The following PECR variants were observed in gnomAD, a reference collection of about 807,000 sequenced individuals.
The protein encoded by PECR is 2,4-dienoyl-CoA reductase-related protein.
Under a neutral mutation model 35.3 loss-of-function variants are expected in PECR, and 30 were observed. That is an observed-to-expected ratio of 0.85 (90% CI 0.64 to 1.15). The LOEUF is 1.15. Ranked by LOEUF, PECR falls within the 50% of genes most tolerant of loss-of-function variation. The pLI is 0.00. For missense variants in PECR, 392 were observed against 370.8 expected (o/e 1.06, Z -0.47); for synonymous variants, 148 against 138.9 (o/e 1.07, Z -0.46).
rs1429148 is a variant in PECR at position 216,058,956 on chromosome 2, C to T, written c.445G>A (p.Glu149Lys). 136,635 of 1,606,824 alleles carry T rather than the reference C, an allele frequency of 0.085. 9,161 individuals carry two copies. Among genetic ancestry groups the T allele is most frequent in the East Asian group, 0.26 (11,516 of 44,774 alleles). ...ATATTGACGATAGATCCTCCATGCT[C>T]TTTCATCCAGGAGCTGTAAACTGCA... ...CKAVYSSWMK[E>K]HGGSIVNIIV... The change falls in exon 4 of 8, where the codon GAG becomes AAG. Residue 149 changes from glutamate (E) to lysine (K), a missense_variant. Glu to Lys is a moderately conservative substitution (Grantham distance 56). Coordinates refer to ENST00000265322, the MANE Select transcript of PECR (RefSeq NM_018441.6).
At chr2:216,071,276 C>A (rs1218362845) in intron 1 of PECR, among the ~76,000 whole-genome samples, 2 of 152,228 alleles carry the variant, frequency 1.3e-5, no homozygotes, top group Non-Finnish European at 2.9e-5. Context: ...GGCCAGGAGG[C>A]ATGCCGTTGC....
Position 216,081,501 on chromosome 2 carries a change from CG to C in PECR, c.124+116del. ...GTCGTAATTTCGCCCACACCTGCCCCGTCTTTGCTCTGCAGCTCCACACTCC... is the reference window on the plus strand; with the variant it reads ...GTCGTAATTTCGCCCACACCTGCCCCTCTTTGCTCTGCAGCTCCACACTCC... On this transcript the variant is annotated intron_variant, in intron 1 of 7. Transcript: ENST00000265322. 4.6e-6 allele frequency: 6 copies of C among 1,298,954 alleles called. No individual in the cohort carries two copies. The South Asian group carries it at 4.8e-5, about 10-fold the overall frequency. 80.5% of individuals were successfully genotyped at this position (1,298,954 alleles called of 1,614,324 possible).
intron 1 of PECR, 120 bp downstream of exon 1, chr2:216,081,498 C>T (rs1352332706): frequency 3.2e-6 from 4 of 1,266,928 alleles, no homozygotes; most frequent in Non-Finnish European, 4.6e-6. Context: ...CCCACACCTG[C>T]CCCGTCTTTG....
chr2:216,074,494 AAGG>A (rs1435202131), intron 1 of PECR, among the ~76,000 whole-genome samples: 5 of 8,274 alleles, frequency 6.0e-4, no homozygotes, highest in African/African-American at 1.3e-3. Context: ...GAAAGAAAAA[AAGG>A]AAGGAAGGAA....
At chr2:216,062,583 G>C (rs1238591194) in intron 3 of PECR, among the ~76,000 whole-genome samples, 1 of 152,132 alleles carries the variant, frequency 6.6e-6, no homozygotes, top group Non-Finnish European at 1.5e-5. Flanking sequence ...AACAGACTGG[G>C]TCGGGACTTT....
At chr2:216,058,103 C>T (rs1695263420) in intron 4 of PECR, among the ~76,000 whole-genome samples, 1 of 152,142 alleles carries the variant, frequency 6.6e-6, no homozygotes. Flanking sequence ...CGCAGTGGCT[C>T]TGCAGGTACC....
chr2:216,058,539 GT>G (rs1695274793), intron 4 of PECR, among the ~76,000 whole-genome samples: 1 of 152,112 alleles, frequency 6.6e-6, no homozygotes, highest in Non-Finnish European at 1.5e-5. Flanking sequence ...ACACAGATTA[GT>G]TTCATTTCTA....
At chr2:216,044,952 C>G (rs1694963745) in intron 6 of PECR, among the ~76,000 whole-genome samples, 1 of 152,166 alleles carries the variant, frequency 6.6e-6, no homozygotes, top group Admixed American at 6.6e-5. Flanking sequence ...TAGATCCTTC[C>G]AGGATCATTG....
chr2:216,055,928 A>G (rs1315386021), intron 4 of PECR, among the ~76,000 whole-genome samples: 2 of 152,170 alleles, frequency 1.3e-5, no homozygotes. Flanking sequence ...TAAATGTCTC[A>G]TTGACTTGCC....
downstream of PECR, among the ~76,000 whole-genome samples, chr2:216,038,011 G>A (rs911559031): frequency 2.1e-4 from 27 of 128,774 alleles, no homozygotes; most frequent in African/African-American, 7.2e-4. Context: ...CTTGAACCCA[G>A]GAGGTGGAGG....
rs1296412424 is a variant in PECR, at chr2:216,068,792, C to T, written c.125-2274G>A. Among the ~76,000 whole-genome samples, 6 of 146,808 alleles carry T rather than the reference C, an allele frequency of 4.1e-5. No individual in the cohort carries two copies. The East Asian group carries it at 1.0e-3, about 24-fold the overall frequency. On this transcript the variant is annotated intron_variant, in intron 1 of 7. Transcript: ENST00000265322. Reference sequence around the variant, plus strand: ...AGCTGGGACCACAGACATACACCACCATATCTGGCCAATTTTTTTTTTTTT... The same window carrying T: ...AGCTGGGACCACAGACATACACCACTATATCTGGCCAATTTTTTTTTTTTT...
At position 216,055,424 on chromosome 2, in the gene PECR, C is replaced by CA. The variant is rs1171114191; in HGVS notation, c.506+3470dup. Among the ~76,000 whole-genome samples the CA allele has an allele frequency of 2.5e-5, 3 of 118,752 alleles. No homozygotes were observed. In the South Asian group the frequency reaches 8.0e-4, roughly 32 times the overall value. The allele number at this position is 118,752 out of a possible 152,430, so 77.9% of individuals were successfully genotyped here. The stretch of plus-strand genomic sequence containing the variant: ...TGCACTCCAGCCTGGGCAACAAGAA[C>CA]AAAATTCCATCTCAAAAAAAAAAAA... On this transcript the variant is annotated intron_variant, in intron 4 of 7. Transcript: ENST00000265322.
chr2:216,074,138 G>A (rs1434419338), intron 1 of PECR, among the ~76,000 whole-genome samples: 5 of 152,174 alleles, frequency 3.3e-5, no homozygotes, highest in Admixed American at 6.5e-5. Flanking sequence ...AGGCTCTATA[G>A]GGCAGGGATG....
At chr2:216,076,325 T>TG (rs1369111763) in intron 1 of PECR, among the ~76,000 whole-genome samples, 1 of 152,146 alleles carries the variant, frequency 6.6e-6, no homozygotes, top group Non-Finnish European at 1.5e-5. Flanking sequence ...CCCAAGTAGC[T>TG]GGGACTACAA....
At chr2:216,041,785 C>T (rs573017403) in intron 7 of PECR, among the ~76,000 whole-genome samples, 1 of 152,182 alleles carries the variant, frequency 6.6e-6, no homozygotes, top group East Asian at 1.9e-4. Flanking sequence ...ATGGTTTAAT[C>T]AACCATGCCT....
chr2:216,065,309 T>C lies in PECR; in HGVS notation c.424+3A>G. 1.2e-6 allele frequency: 2 copies of C among 1,602,508 alleles called. No homozygotes were observed. Among genetic ancestry groups the C allele is most frequent in the African/African-American group, 1.3e-5 (1 of 74,812 alleles). ...TTGACTTGTGGATACTGATGGTACT[T>C]GCCTGCTTTGCACATGTAGAAGGTA... On this transcript the variant is annotated splice_donor_region_variant and intron_variant, in intron 3 of 7. Coordinates refer to ENST00000265322, the MANE Select transcript of PECR (RefSeq NM_018441.6).
intron 3 of PECR, among the ~76,000 whole-genome samples, chr2:216,063,247 T>A (rs1260818719): frequency 1.3e-5 from 2 of 152,242 alleles, no homozygotes; most frequent in African/African-American, 2.4e-5. Context: ...ATCATATAGA[T>A]GTATAAAACT....
In PECR at chr2:216,081,496, T is replaced by A. The variant is rs1205410205; in HGVS notation, c.124+122A>T. The A allele has an allele frequency of 4.0e-6, 5 of 1,250,020 alleles. No homozygotes were observed. In the African/African-American group the frequency reaches 7.4e-5, roughly 18 times the overall value. 77.4% of individuals were successfully genotyped at this position (1,250,020 alleles called of 1,614,324 possible). On this transcript the variant is annotated intron_variant, in intron 1 of 7. Transcript: ENST00000265322. ...TGGTGGTCGTAATTTCGCCCACACCTGCCCCGTCTTTGCTCTGCAGCTCCA... is the reference window on the plus strand; with the variant it reads ...TGGTGGTCGTAATTTCGCCCACACCAGCCCCGTCTTTGCTCTGCAGCTCCA...
At chr2:216,074,873 A>G (rs989296794) in intron 1 of PECR, among the ~76,000 whole-genome samples, 1 of 152,248 alleles carries the variant, frequency 6.6e-6, no homozygotes, top group East Asian at 1.9e-4. Context: ...TGGGTAAAAT[A>G]AAAACCTAAA....
Sources: gnomAD v4.1 joint callset for allele counts (sites outside exome capture counted in the v4.1 genomes callset) on GRCh38, gnomAD v4.1.1 for gene constraint, MANE v1.5 for transcripts, NCBI Gene and HGNC (gene_info 2026-07-23, HGNC 2026-07-21) for gene names.